Variants in ZNF280D observed in about 807,000 individuals in gnomAD.
The protein encoded by ZNF280D is suppressor of hairy wing homolog 4.
ZNF280D carries 39 observed loss-of-function variants against 94.7 expected under a neutral mutation model. The observed-to-expected ratio is 0.41, with a 90% CI of 0.32 to 0.54. The LOEUF (loss-of-function observed/expected upper bound fraction) is 0.54. ZNF280D is among the 20% of genes least tolerant of loss of function. ZNF280D has a pLI of 0.22. For synonymous variants in ZNF280D, 398 were observed against 377.6 expected, an observed-to-expected ratio of 1.05 and a Z score of -0.63; for missense variants, 1,090 against 1,149.3, an observed-to-expected ratio of 0.95 and a Z score of 0.75.
At chr15:56,654,996 A>T (rs2053451044) in intron 17 of ZNF280D, among the ~76,000 whole-genome samples, 1 of 152,216 alleles carries the variant, frequency 6.6e-6, no homozygotes, top group Admixed American at 6.5e-5. Context: ...TGTTTTATTC[A>T]GTTGGAGATA....
In ZNF280D at chr15:56,700,954, A is replaced by G. The variant is rs1176883734; in HGVS notation, c.360T>C (p.Ile120=). The change falls in exon 6 of 22, where the codon ATT becomes ATC. Residue 120 remains isoleucine (I), a synonymous_variant. Coordinates refer to ENST00000267807, the MANE Select transcript of ZNF280D (RefSeq NM_017661.4). Reference sequence around the variant, plus strand: ...TTACAGGTTTAGAAAAAGGCTGAACAATAACAGAACTATCTGAAGATCTAG... The same window carrying G: ...TTACAGGTTTAGAAAAAGGCTGAACGATAACAGAACTATCTGAAGATCTAG... ...PESRSSDSSV[I]VQPFSKPGYI... is the part of the protein sequence containing the mutation. The G allele has an allele frequency of 6.2e-7, 1 of 1,613,962 alleles. No homozygotes were observed. The highest frequency in any genetic ancestry group is 8.5e-7 in the Non-Finnish European group (1 of 1,179,860).
chr15:56,664,042 A>AT (rs1380336656), intron 16 of ZNF280D, among the ~76,000 whole-genome samples: 1 of 152,228 alleles, frequency 6.6e-6, no homozygotes, highest in Non-Finnish European at 1.5e-5. Context: ...AAATTTTTAA[A>AT]TTAATTAATT....
chr15:56,685,113 T>G (rs1338408628), intron 9 of ZNF280D, among the ~76,000 whole-genome samples: 3 of 152,122 alleles, frequency 2.0e-5, no homozygotes, highest in Admixed American at 6.6e-5. Flanking sequence ...GGGATTCAAT[T>G]TACTTTATAT....
chr15:56,678,352 A>G (rs571632682), intron 11 of ZNF280D, among the ~76,000 whole-genome samples: 2 of 152,266 alleles, frequency 1.3e-5, no homozygotes, highest in South Asian at 4.1e-4. Context: ...TTCCTATTAA[A>G]GTTTAAATGA....
At chr15:56,696,534 T>A (rs7171500) in intron 6 of ZNF280D, among the ~76,000 whole-genome samples, 32,638 of 152,126 alleles carry the variant, frequency 0.21, 3,656 homozygotes, top group Middle Eastern at 0.37. Context: ...TTAAGCTATA[T>A]CACATTGACT....
At chr15:56,659,471 C>A (rs1326713370) in intron 16 of ZNF280D, among the ~76,000 whole-genome samples, 3 of 151,850 alleles carry the variant, frequency 2.0e-5, no homozygotes, top group Admixed American at 6.6e-5. Flanking sequence ...AGACTACGTT[C>A]ATATAATTTT....
Position 56,682,329 on chromosome 15 carries a change from T to C in ZNF280D, c.929A>G (p.Asp310Gly). The change falls in exon 10 of 22, where the codon GAT (aspartate) becomes GGT (glycine). Residue 310 changes from aspartate to glycine, a missense_variant. Asp to Gly is a moderately conservative substitution (Grantham distance 94). This residue lies in a region of ZNF280D where 386 missense variants were observed against 372.0 expected (regional missense o/e 1.04). Transcript: ENST00000267807. ...NDFYYGKHEG[D>G]VQEEQKTHTT... The stretch of plus-strand genomic sequence containing the variant: ...GTGAGTCTTCTGTTCCTCCTGGACA[T>C]CTCCTTCATGTTTTCCATAATAAAA... The C allele has an allele frequency of 6.3e-7, 1 of 1,599,532 alleles. No individual in the cohort carries two copies. Among genetic ancestry groups the C allele is most frequent in the South Asian group, 1.1e-5 (1 of 87,386 alleles).
chr15:56,673,578 T>G (rs1438325437), intron 13 of ZNF280D, among the ~76,000 whole-genome samples: 3 of 152,066 alleles, frequency 2.0e-5, no homozygotes, highest in African/African-American at 7.2e-5. Context: ...TAGCTGCCAG[T>G]AATAAAAACA....
At chr15:56,648,122 C>A (rs568781593) in intron 19 of ZNF280D, among the ~76,000 whole-genome samples, 1 of 152,236 alleles carries the variant, frequency 6.6e-6, no homozygotes, top group South Asian at 2.1e-4. Flanking sequence ...GCCAATTCCT[C>A]TCCTGTGAAC....
intron 9 of ZNF280D, 97 bp from the exon 10 acceptor site, chr15:56,682,574 C>A (rs1164724706): frequency 2.8e-6 from 2 of 715,930 alleles, no homozygotes; most frequent in Non-Finnish European, 4.3e-6. Flanking sequence ...TAAGGCCAGA[C>A]CATTAAAACT....
chr15:56,680,072 T>A (rs1422164504), intron 10 of ZNF280D, among the ~76,000 whole-genome samples: 1 of 152,032 alleles, frequency 6.6e-6, no homozygotes, highest in Non-Finnish European at 1.5e-5. Context: ...CTCAAACCAA[T>A]AGAAATGAGG....
At chr15:56,654,881 T>C (rs1269699017) in intron 17 of ZNF280D, 2 of 455,310 alleles carry the variant, frequency 4.4e-6, no homozygotes, top group African/African-American at 2.0e-5. Context: ...ACTTGATATT[T>C]ACTGGAGCTA....
At chr15:56,671,646 C>A (rs1250321940) in intron 13 of ZNF280D, among the ~76,000 whole-genome samples, 5 of 152,022 alleles carry the variant, frequency 3.3e-5, no homozygotes, top group Admixed American at 3.3e-4. Context: ...TTAGGATTGA[C>A]TTGGCTATTC....
intron 1 of ZNF280D, chr15:56,730,536 T>C (rs1596728608): frequency 6.6e-6 from 1 of 152,234 alleles, no homozygotes; most frequent in Non-Finnish European, 1.5e-5. Context: ...GATGTTCCAG[T>C]TGAAGCACTT....
chr15:56,715,950 T>C lies in ZNF280D; in HGVS notation c.-85-8644A>G, dbSNP rs954996560. On this transcript the variant is annotated intron_variant, in intron 1 of 21. Transcript: ENST00000267807. ...ACCTTTAAAAAATATATAACAACTA[T>C]TTACATAGCATTTACTTTGTATTAG... Among the ~76,000 whole-genome samples the C allele has an allele frequency of 3.3e-5, 5 of 152,134 alleles. No homozygotes were observed. In the East Asian group the frequency reaches 7.7e-4, roughly 23 times the overall value.
At position 56,667,341 on chromosome 15, in the gene ZNF280D, T is replaced by C. The variant is rs577154512; in HGVS notation, c.1546-355A>G. ...ACAAGCATAGAGCTCAAAATTTAAA[T>C]CTCAAGCCTGAAAAATAATTCTAGA... On this transcript the variant is annotated intron_variant, in intron 14 of 21. Transcript: ENST00000267807. 1.1e-4 allele frequency among the ~76,000 whole-genome samples: 17 copies of C among 152,146 alleles called. No homozygotes were observed. In the South Asian group the frequency reaches 3.5e-3, roughly 32 times the overall value.
At chr15:56,675,455 T>C (rs2055158218) in intron 13 of ZNF280D, among the ~76,000 whole-genome samples, 2 of 151,912 alleles carry the variant, frequency 1.3e-5, no homozygotes, top group Non-Finnish European at 2.9e-5. Context: ...TATAACACTA[T>C]GTTCAACAAA....
In ZNF280D at chr15:56,702,775, T is replaced by C. The variant is rs181994295; in HGVS notation, c.175+1346A>G. On this transcript the variant is annotated intron_variant, in intron 4 of 21. Coordinates refer to ENST00000267807, the MANE Select transcript of ZNF280D (RefSeq NM_017661.4). ...CCAGGAAACAGTATTGAAAATTCGA[T>C]TGGTGAAATTACTCTCTCTCTGATA... 4.1e-3 allele frequency among the ~76,000 whole-genome samples: 621 copies of C among 152,178 alleles called. 4 individuals carry two copies. Among genetic ancestry groups the C allele is most frequent in the Non-Finnish European group, 3.7e-3 (254 of 67,986 alleles).
At chr15:56,691,017 G>C (rs2056393688) in intron 7 of ZNF280D, among the ~76,000 whole-genome samples, 1 of 152,076 alleles carries the variant, frequency 6.6e-6, no homozygotes, top group Non-Finnish European at 1.5e-5. Flanking sequence ...TATAAAATAA[G>C]TTACAAGTTT....
Sources: gnomAD v4.1 joint callset for allele counts (sites outside exome capture counted in the v4.1 genomes callset) on GRCh38, gnomAD v4.1.1 for gene constraint, gnomAD v4.1.1 regional missense constraint, MANE v1.5 for transcripts, NCBI Gene and HGNC (gene_info 2026-07-23, HGNC 2026-07-21) for gene names.